RIMBP2: variants seen among roughly 807,000 people sequenced by gnomAD.
RIMBP2 encodes RIMS-binding protein 2.
A neutral mutation model predicts 118.6 loss-of-function variants in RIMBP2; 48 were observed. That is an observed-to-expected ratio of 0.40 (90% confidence interval 0.32 to 0.51). The LOEUF is 0.51. RIMBP2 is among the 20% of genes least tolerant of loss of function. The pLI is 0.41. For missense variants in RIMBP2, 1,551 were observed against 1,768.3 expected (o/e 0.88, Z 2.20); for synonymous variants, 762 against 742.9 (o/e 1.03, Z -0.42).
intron 2 of RIMBP2, among the ~76,000 whole-genome samples, chr12:130,544,919 T>G (rs1001104933): frequency 5.3e-5 from 8 of 151,960 alleles, no homozygotes; most frequent in African/African-American, 1.9e-4. Context: ...CGGGTGAGAG[T>G]GGAAACTGTA....
intron 2 of RIMBP2, among the ~76,000 whole-genome samples, chr12:130,532,916 CGTGTGTTT>C (rs2053619044): frequency 6.7e-6 from 1 of 149,824 alleles, no homozygotes; most frequent in Non-Finnish European, 1.5e-5. Flanking sequence ...TAATGAGATG[CGTGTGTTT>C]AGCCTCTAGG....
chr12:130,674,307 C>A (rs979516186), intron 1 of RIMBP2, among the ~76,000 whole-genome samples: 1 of 152,170 alleles, frequency 6.6e-6, no homozygotes, highest in Non-Finnish European at 1.5e-5. Context: ...GCGTCCTGTA[C>A]GGCTGGTGGA....
Position 130,710,068 on chromosome 12 carries a change from C to G in RIMBP2, c.-352+6154G>C, listed in dbSNP as rs1289985467. Among the ~76,000 whole-genome samples the G allele has an allele frequency of 6.6e-6, 1 of 152,164 alleles. No individual in the cohort carries two copies. Among genetic ancestry groups the G allele is most frequent in the South Asian group, 2.1e-4 (1 of 4,832 alleles). The stretch of plus-strand genomic sequence containing the variant: ...ATCCCTGGGAGCTCACGGGTGGACA[C>G]CGAGGGTCTCCAGGAGAGGGGTTGG... On this transcript the variant is annotated intron_variant, in intron 1 of 22. Coordinates refer to ENST00000690449, the MANE Select transcript of RIMBP2 (RefSeq NM_001393629.1). The surrounding 1 kb of genome is among the most constrained non-coding windows in gnomAD (Gnocchi z 4.3).
intron 1 of RIMBP2, among the ~76,000 whole-genome samples, chr12:130,646,480 T>C (rs1221058957): frequency 1.0e-4 from 13 of 129,030 alleles, no homozygotes; most frequent in African/African-American, 1.4e-4. Context: ...CCTCCCTCAC[T>C]ACTGCAAAAG....
In RIMBP2 at chr12:130,616,085, C is replaced by T. The variant is rs141910067; in HGVS notation, c.-217+12237G>A. 4.6e-5 allele frequency among the ~76,000 whole-genome samples: 7 copies of T among 152,268 alleles called. No homozygotes were observed. In the East Asian group the frequency reaches 7.7e-4, roughly 17 times the overall value. On this transcript the variant is annotated intron_variant, in intron 2 of 22. Coordinates refer to ENST00000690449, the MANE Select transcript of RIMBP2 (RefSeq NM_001393629.1). ...AGCCTTTTGCATTCTTAAACCTACC[C>T]GCTGGGCTCTGTGTCCAAGAAGGGA... is the stretch of plus-strand genomic sequence containing the variant.
chr12:130,484,889 T>C (rs528136155), intron 4 of RIMBP2, among the ~76,000 whole-genome samples: 27 of 152,396 alleles, frequency 1.8e-4, no homozygotes, highest in African/African-American at 6.0e-4. Flanking sequence ...TTCTCCATGT[T>C]CTTCTTTTGG....
intron 1 of RIMBP2, among the ~76,000 whole-genome samples, chr12:130,706,215 T>TC (rs2066112554): frequency 6.6e-6 from 1 of 152,184 alleles, no homozygotes; most frequent in Non-Finnish European, 1.5e-5. Flanking sequence ...CCTTCTGCCG[T>TC]CCCCATCTGA....
At chr12:130,528,185 G>A (rs1314226365) in intron 2 of RIMBP2, among the ~76,000 whole-genome samples, 2 of 152,092 alleles carry the variant, frequency 1.3e-5, no homozygotes, top group Non-Finnish European at 2.9e-5. Context: ...GCAAAGACAT[G>A]GAATCAACCC....
At chr12:130,616,566 G>A (rs1052934053) in intron 2 of RIMBP2, among the ~76,000 whole-genome samples, 3 of 152,140 alleles carry the variant, frequency 2.0e-5, no homozygotes, top group Non-Finnish European at 4.4e-5. Flanking sequence ...AGAAAAAGTC[G>A]CCCAACCCAT....
chr12:130,435,848 A>G lies in RIMBP2; in HGVS notation c.2107-968T>C, dbSNP rs556748292. Among the ~76,000 whole-genome samples, 454 of 152,314 alleles carry G rather than the reference A, an allele frequency of 3.0e-3. 2 individuals carry two copies. The highest frequency in any genetic ancestry group is 0.01 in the African/African-American group (420 of 41,568). On this transcript the variant is annotated intron_variant, in intron 13 of 22. Transcript: ENST00000690449. ...GGGGGCGGAAGGTAGCTCCCTGCCC[A>G]GTGTCACCATCGTCCTTTCTGTCCT...
chr12:130,645,498 T>G (rs924181664), intron 1 of RIMBP2, among the ~76,000 whole-genome samples: 2 of 152,184 alleles, frequency 1.3e-5, no homozygotes, highest in African/African-American at 2.4e-5. Flanking sequence ...GCCAGCACCT[T>G]CCACCCCTAC....
chr12:130,437,269 G>A lies in RIMBP2; in HGVS notation c.1679C>T (p.Thr560Met), dbSNP rs530744461. The A allele has an allele frequency of 5.9e-5, 94 of 1,580,564 alleles. No individual in the cohort carries two copies. The highest frequency in any genetic ancestry group is 5.0e-4 in the Middle Eastern group (3 of 6,038). The change falls in exon 13 of 23, where the codon ACG (threonine) becomes ATG (methionine). Residue 560 changes from threonine (T) to methionine (M), a missense_variant. Thr to Met is a moderately conservative substitution (Grantham distance 81). Coordinates refer to ENST00000690449, the MANE Select transcript of RIMBP2 (RefSeq NM_001393629.1). ...AAGCTCCACGGCCGTGCTGTCTGCC[G>A]TGGGGAAGATGACTTCAGCCACCTG... ...GQRVAEVIFP[T>M]ADSTAVELVR... is the part of the protein sequence containing the mutation.
chr12:130,630,960 A>G (rs1258803661), intron 1 of RIMBP2, among the ~76,000 whole-genome samples: 1 of 152,178 alleles, frequency 6.6e-6, no homozygotes, highest in Non-Finnish European at 1.5e-5. Context: ...GTGGGGAAAA[A>G]AAAAAGATAA....
At position 130,414,345 on chromosome 12, in the gene RIMBP2, G is replaced by A. The variant is rs760538005; in HGVS notation, c.3239-39C>T. ...GGGGTGAAGAACAGAGCGGCAGTGA[G>A]CCTAACTGAGGAGCGTGCACGGGAA... On this transcript the variant is annotated intron_variant, in intron 17 of 22. Transcript: ENST00000690449. The A allele has an allele frequency of 3.9e-6, 6 of 1,531,328 alleles. No homozygotes were observed. The Admixed American group carries it at 1.2e-4, about 31-fold the overall frequency. The allele number at this position is 1,531,328 out of a possible 1,614,324, so 94.9% of individuals were successfully genotyped here. A position where few individuals can be genotyped will look rare whatever the true frequency, so the allele number is the denominator to read the frequency against.
chr12:130,497,391 T>C (rs866188793), intron 4 of RIMBP2, among the ~76,000 whole-genome samples: 1 of 152,198 alleles, frequency 6.6e-6, no homozygotes, highest in African/African-American at 2.4e-5. Flanking sequence ...TGCTTCTAGA[T>C]TGAGCTCTCT....
intron 1 of RIMBP2, among the ~76,000 whole-genome samples, chr12:130,646,177 C>CA (rs1329082549): frequency 5.2e-5 from 4 of 77,664 alleles, no homozygotes; most frequent in Admixed American, 1.2e-4. Flanking sequence ...CCACCTGCCT[C>CA]TCCACCTCCC....
intron 1 of RIMBP2, among the ~76,000 whole-genome samples, chr12:130,648,749 C>T (rs1310444089): frequency 7.0e-6 from 1 of 143,876 alleles, no homozygotes; most frequent in African/African-American, 2.5e-5. Flanking sequence ...CTCCGCCTCC[C>T]GGGTTCAAGC....
intron 1 of RIMBP2, among the ~76,000 whole-genome samples, chr12:130,659,390 T>G (rs2063558532): frequency 6.6e-6 from 1 of 151,084 alleles, no homozygotes; most frequent in Admixed American, 6.6e-5. Context: ...GCTAACACGG[T>G]GAAACCCCAT....
chr12:130,515,754 A>G (rs527825507), intron 3 of RIMBP2, among the ~76,000 whole-genome samples: 6 of 151,904 alleles, frequency 3.9e-5, no homozygotes, highest in African/African-American at 1.2e-4. Context: ...CTGGAGTGCA[A>G]TGGCATGATC....
Sources: allele counts gnomAD v4.1 joint callset (sites outside exome capture counted in the v4.1 genomes callset), GRCh38; gene constraint gnomAD v4.1.1; non-coding constraint Gnocchi (gnomAD v3.1); transcripts MANE v1.5; gene names NCBI Gene and HGNC (gene_info 2026-07-23, HGNC 2026-07-21).